The following DDR2 variants were observed in gnomAD, a reference collection of about 807,000 sequenced individuals.
DDR2 encodes the protein discoidin domain receptor tyrosine kinase 2.
Under a neutral mutation model 94.9 loss-of-function variants are expected in DDR2, and 27 were observed. The observed-to-expected ratio is 0.28, with a 90% CI of 0.21 to 0.39. The LOEUF is 0.39. DDR2 is among the 10% of genes least tolerant of loss of function. The pLI is 1.00. For synonymous variants in DDR2, 382 were observed against 377.2 expected, an observed-to-expected ratio of 1.01 and a Z score of -0.15; for missense variants, 783 against 1,076.0, an observed-to-expected ratio of 0.73 and a Z score of 3.81.
chr1:162,771,527 G>A (rs1421205545), intron 12 of DDR2, among the ~76,000 whole-genome samples: 4 of 152,140 alleles, frequency 2.6e-5, no homozygotes, highest in Non-Finnish European at 5.9e-5. Flanking sequence ...GGGGTGAATG[G>A]AAGTAATTTA....
In DDR2 at chr1:162,695,112, T is replaced by C. The variant is rs576244611; in HGVS notation, c.-27-23925T>C. 3.9e-5 allele frequency among the ~76,000 whole-genome samples: 6 copies of C among 152,390 alleles called. No homozygotes were observed. In the East Asian group the frequency reaches 1.2e-3, roughly 29 times the overall value. On this transcript the variant is annotated intron_variant, in intron 2 of 17. Coordinates refer to ENST00000367921, the MANE Select transcript of DDR2 (RefSeq NM_006182.4). ...TTTGAATTCAACTTTATTAATTTTGTCAAGTTTTTGATGTGCTAGGTGGAC... is the reference window on the plus strand; with the variant it reads ...TTTGAATTCAACTTTATTAATTTTGCCAAGTTTTTGATGTGCTAGGTGGAC...
chr1:162,734,663 A>G (rs1414313251), intron 3 of DDR2, among the ~76,000 whole-genome samples: 1 of 152,186 alleles, frequency 6.6e-6, no homozygotes, highest in Non-Finnish European at 1.5e-5. Flanking sequence ...TGCACATCCC[A>G]GGTAAAGGGA....
chr1:162,720,340 A>G (rs1158615667), intron 3 of DDR2, among the ~76,000 whole-genome samples: 6 of 152,216 alleles, frequency 3.9e-5, no homozygotes, highest in Admixed American at 1.3e-4. Flanking sequence ...AAAGGTAGCC[A>G]TTATCCTGCT....
intron 2 of DDR2, among the ~76,000 whole-genome samples, chr1:162,679,186 TCC>T (rs1659279677): frequency 6.6e-6 from 1 of 151,986 alleles, no homozygotes; most frequent in Non-Finnish European, 1.5e-5. Context: ...TCTGATTCTC[TCC>T]CTCCTCCCAC....
At chr1:162,737,926 T>A (rs1662392401) in intron 3 of DDR2, among the ~76,000 whole-genome samples, 1 of 151,856 alleles carries the variant, frequency 6.6e-6, no homozygotes, top group Admixed American at 6.6e-5. Flanking sequence ...TGAGCATTTT[T>A]TCATGTGTTT....
intron 2 of DDR2, among the ~76,000 whole-genome samples, chr1:162,687,269 TG>T (rs976758687): frequency 2.1e-4 from 32 of 152,318 alleles, no homozygotes; most frequent in African/African-American, 7.0e-4. Context: ...ATGAGTGGTT[TG>T]CTCTTTCTTG....
At chr1:162,778,529 T>C (rs377148009) in intron 16 of DDR2, 51 bp from the exon 17 acceptor site, 3 of 1,609,626 alleles carry the variant, frequency 1.9e-6, no homozygotes, top group Non-Finnish European at 2.6e-6. Flanking sequence ...TAACAGGGTG[T>C]TGTTGTGCAC....
At chr1:162,731,563 A>G (rs1662046874) in intron 3 of DDR2, among the ~76,000 whole-genome samples, 1 of 152,224 alleles carries the variant, frequency 6.6e-6, no homozygotes. Context: ...TGGCATTCCT[A>G]TAAACAAGTG....
At position 162,783,892 on chromosome 1, in the gene DDR2, G is replaced by T. The variant is rs1648035312; in HGVS notation, c.*3646G>T. 6.6e-6 allele frequency: 1 copy of T among 152,148 alleles called. No homozygotes were observed. The highest frequency in any genetic ancestry group is 6.5e-5 in the Admixed American group (1 of 15,274). 9.4% of individuals were successfully genotyped at this position (152,148 alleles called of 1,614,324 possible). On this transcript the variant is annotated 3_prime_UTR_variant, in exon 18 of 18. Coordinates refer to ENST00000367921, the MANE Select transcript of DDR2 (RefSeq NM_006182.4). ...GAACTCTTTGCCTGAACTGGGCTTGGTTTTCCAAGTGCTGCTTTGGAAATG... is the reference window on the plus strand; with the variant it reads ...GAACTCTTTGCCTGAACTGGGCTTGTTTTTCCAAGTGCTGCTTTGGAAATG...
At chr1:162,708,972 G>A (rs1660775224) in intron 2 of DDR2, among the ~76,000 whole-genome samples, 1 of 152,110 alleles carries the variant, frequency 6.6e-6, no homozygotes, top group Non-Finnish European at 1.5e-5. Context: ...CAAATAAATG[G>A]TAACATTTAT....
chr1:162,673,598 TGTGTGTGTGTGAGAGAGAGAGA>T (rs1558018919), intron 2 of DDR2, among the ~76,000 whole-genome samples: 3 of 135,244 alleles, frequency 2.2e-5, no homozygotes, highest in East Asian at 2.7e-4. Context: ...TGTGTGTATG[TGTGTGTGTGTGAGAGAGAGAGA>T]GAGAGAGAGA....
chr1:162,727,501 T>G (rs138012076), intron 3 of DDR2, among the ~76,000 whole-genome samples: 6,491 of 145,798 alleles, frequency 0.045, 218 homozygotes, highest in East Asian at 0.18. Flanking sequence ...TATCTATATA[T>G]AGAGTTAAAA....
At chr1:162,665,563 ATTTT>A (rs5778284) in intron 2 of DDR2, among the ~76,000 whole-genome samples, 1 of 141,360 alleles carries the variant, frequency 7.1e-6, no homozygotes, top group Admixed American at 7.1e-5. Context: ...TGCATGTATG[ATTTT>A]TTTTTTTTTT....
At position 162,688,012 on chromosome 1, in the gene DDR2, G is replaced by C. The variant is rs77834281; in HGVS notation, c.-27-31025G>C. 1.4e-3 allele frequency among the ~76,000 whole-genome samples: 216 copies of C among 152,288 alleles called. 1 individual carries two copies. The highest frequency in any genetic ancestry group is 4.9e-3 in the African/African-American group (205 of 41,556). ...AGTTTCCAGGCTGACTCAGTCCAAA[G>C]GTGACTGTTTTGGAAACTTTGAATG... On this transcript the variant is annotated intron_variant, in intron 2 of 17. Transcript: ENST00000367921.
intron 2 of DDR2, among the ~76,000 whole-genome samples, chr1:162,666,367 CAGTA>C (rs1658565807): frequency 6.6e-6 from 1 of 152,170 alleles, no homozygotes; most frequent in East Asian, 1.9e-4. Context: ...GGTAGACATT[CAGTA>C]AGTATTTGTG....
At chr1:162,723,281 G>T (rs567906724) in intron 3 of DDR2, among the ~76,000 whole-genome samples, 5 of 152,258 alleles carry the variant, frequency 3.3e-5, no homozygotes, top group South Asian at 2.1e-4. Context: ...AGCCAGCGGG[G>T]CTATGTAGGA....
intron 2 of DDR2, among the ~76,000 whole-genome samples, chr1:162,698,316 G>A (rs1180099174): frequency 6.6e-6 from 1 of 152,158 alleles, no homozygotes; most frequent in East Asian, 1.9e-4. Context: ...GAGTCGGTTA[G>A]CCTCTTGCTG....
chr1:162,680,442 G>T (rs1432545167), intron 2 of DDR2, among the ~76,000 whole-genome samples: 1 of 152,170 alleles, frequency 6.6e-6, no homozygotes, highest in East Asian at 1.9e-4. Flanking sequence ...TCAGATGGTT[G>T]TAAGTATGCA....
intron 2 of DDR2, among the ~76,000 whole-genome samples, chr1:162,704,755 G>A (rs1260966939): frequency 2.0e-5 from 3 of 152,124 alleles, no homozygotes; most frequent in Non-Finnish European, 4.4e-5. Flanking sequence ...TCACATTGAG[G>A]GTTAGAATTT....
Sources: allele counts gnomAD v4.1 joint callset (sites outside exome capture counted in the v4.1 genomes callset), GRCh38; gene constraint gnomAD v4.1.1; transcripts MANE v1.5; gene names NCBI Gene and HGNC (gene_info 2026-07-23, HGNC 2026-07-21).